KCNG3: variants seen among roughly 807,000 people sequenced by gnomAD.
KCNG3 encodes potassium voltage-gated channel modifier subfamily G member 3.
In KCNG3, 15 loss-of-function variants were observed where a neutral mutation model predicts 29.0. The ratio of observed to expected loss-of-function variants is 0.52; its 90% CI spans 0.35 to 0.80. The LOEUF (loss-of-function observed/expected upper bound fraction) is 0.80. KCNG3 is among the 30% of genes least tolerant of loss of function. KCNG3 has a pLI of 0.01. For missense variants in KCNG3, 512 were observed against 605.7 expected (o/e 0.85, Z 1.62); for synonymous variants, 322 against 248.9 (o/e 1.29, Z -2.76).
the KCNG3 span, among the ~76,000 whole-genome samples, chr2:42,403,978 T>C: frequency 2.0e-5 from 3 of 152,368 alleles, no homozygotes; most frequent in East Asian, 3.9e-4. Flanking sequence ...ATTAAAGTTA[T>C]ACTATCTTCA....
chr2:42,432,622 C>G, the KCNG3 span, among the ~76,000 whole-genome samples: 2 of 152,272 alleles, frequency 1.3e-5, no homozygotes, highest in East Asian at 3.9e-4. Context: ...AACCAACCAA[C>G]AGAAGCAAGT....
At chr2:42,488,619 G>A (rs892186683) in intron 1 of KCNG3, among the ~76,000 whole-genome samples, 1 of 150,078 alleles carries the variant, frequency 6.7e-6, no homozygotes, top group East Asian at 2.0e-4. Context: ...GCGTGATATC[G>A]GCTTACTGCA....
chr2:42,461,110 G>A (rs547477869), intron 1 of KCNG3, among the ~76,000 whole-genome samples: 1 of 139,974 alleles, frequency 7.1e-6, no homozygotes, highest in Non-Finnish European at 1.5e-5. Flanking sequence ...GCAGTGAGCC[G>A]AGATCACGCC....
At chr2:42,452,800 G>C (rs1050332777) in intron 1 of KCNG3, among the ~76,000 whole-genome samples, 2 of 137,274 alleles carry the variant, frequency 1.5e-5, no homozygotes, top group Non-Finnish European at 3.2e-5. Flanking sequence ...TGTGTGTTTT[G>C]AGATGAAGTC....
intron 1 of KCNG3, among the ~76,000 whole-genome samples, chr2:42,468,070 C>T (rs1012299442): frequency 4.6e-5 from 7 of 151,178 alleles, no homozygotes; most frequent in Non-Finnish European, 1.5e-5. Context: ...AACACAGATG[C>T]AAAAATTCTA....
downstream of KCNG3, among the ~76,000 whole-genome samples, chr2:42,440,176 A>G (rs1672442729): frequency 6.6e-6 from 1 of 152,198 alleles, no homozygotes; most frequent in Admixed American, 6.6e-5. Flanking sequence ...GAAGGTTTCC[A>G]CAACCCCTAG....
At chr2:42,487,941 C>A (rs535609542) in intron 1 of KCNG3, among the ~76,000 whole-genome samples, 1 of 152,292 alleles carries the variant, frequency 6.6e-6, no homozygotes, top group South Asian at 2.1e-4. Context: ...ATGGAATGAT[C>A]TACATGACAC....
the KCNG3 span, among the ~76,000 whole-genome samples, chr2:42,419,048 C>T: frequency 6.6e-6 from 1 of 151,998 alleles, no homozygotes; most frequent in Middle Eastern, 3.4e-3. Flanking sequence ...TCAAATTCAG[C>T]CTCATTTCAG....
intron 1 of KCNG3, among the ~76,000 whole-genome samples, chr2:42,474,927 C>T (rs1195342828): frequency 6.6e-6 from 1 of 152,150 alleles, no homozygotes; most frequent in Admixed American, 6.6e-5. Flanking sequence ...ACCCAATGTA[C>T]ACGACTTCTG....
chr2:42,491,946 C>T lies in KCNG3; in HGVS notation c.665+891G>A, dbSNP rs569253364. Among the ~76,000 whole-genome samples the T allele has an allele frequency of 1.1e-4, 16 of 152,286 alleles. No individual in the cohort carries two copies. In the South Asian group the frequency reaches 3.1e-3, roughly 30 times the overall value. ...GTTTTGTGCCCCAAAAGGCTGTCTT[C>T]TTTGAAAGTCCATCCTTAGTCTGCT... is the stretch of plus-strand genomic sequence containing the variant. On this transcript the variant is annotated intron_variant, in intron 1 of 1. Transcript: ENST00000306078.
At chr2:42,448,881 G>C (rs1350060745) in intron 1 of KCNG3, among the ~76,000 whole-genome samples, 5 of 152,098 alleles carry the variant, frequency 3.3e-5, no homozygotes, top group African/African-American at 7.2e-5. Context: ...GGGAGGCTGA[G>C]GCAGGAGAAT....
the KCNG3 span, among the ~76,000 whole-genome samples, chr2:42,408,160 C>T: frequency 6.6e-6 from 1 of 152,166 alleles, no homozygotes; most frequent in South Asian, 2.1e-4. Context: ...CAGCTCAGCA[C>T]TGGCTTGCAG....
the KCNG3 span, among the ~76,000 whole-genome samples, chr2:42,405,046 T>A: frequency 6.6e-6 from 1 of 152,220 alleles, no homozygotes; most frequent in African/African-American, 2.4e-5. Context: ...CTCACACAAC[T>A]GCAGCTAACT....
At chr2:42,483,854 C>G (rs1167456143) in intron 1 of KCNG3, among the ~76,000 whole-genome samples, 1 of 152,170 alleles carries the variant, frequency 6.6e-6, no homozygotes, top group African/African-American at 2.4e-5. Context: ...TGCAGTGCCA[C>G]AATCACGGCT....
intron 1 of KCNG3, among the ~76,000 whole-genome samples, chr2:42,447,756 C>G (rs746974733): frequency 2.6e-5 from 4 of 151,736 alleles, no homozygotes; most frequent in Admixed American, 6.6e-5. Context: ...GGAATGGCCT[C>G]GAACTCCTGG....
intron 1 of KCNG3, among the ~76,000 whole-genome samples, chr2:42,476,061 G>A (rs951636285): frequency 2.6e-5 from 4 of 152,168 alleles, no homozygotes; most frequent in Admixed American, 6.5e-5. Context: ...AGTGAACTCC[G>A]TCTCATATAA....
At chr2:42,430,615 G>T in the KCNG3 span, among the ~76,000 whole-genome samples, 1 of 151,764 alleles carries the variant, frequency 6.6e-6, no homozygotes, top group Non-Finnish European at 1.5e-5. Flanking sequence ...GCTAGGTGTG[G>T]TGGCACACAC....
chr2:42,477,254 AG>A (rs1258325922), intron 1 of KCNG3, among the ~76,000 whole-genome samples: 1 of 151,444 alleles, frequency 6.6e-6, no homozygotes, highest in African/African-American at 2.4e-5. Context: ...AAAGGTTTCC[AG>A]TGACTGCTAA....
chr2:42,485,200 G>A lies in KCNG3; in HGVS notation c.665+7637C>T, dbSNP rs1673688930. On this transcript the variant is annotated intron_variant, in intron 1 of 1. Transcript: ENST00000306078. Reference sequence around the variant, plus strand: ...CAAATTCTCACCACCACAACACAAAGCAATACCAATTAAAGATCAAAATTC... The same window carrying A: ...CAAATTCTCACCACCACAACACAAAACAATACCAATTAAAGATCAAAATTC... Among the ~76,000 whole-genome samples, 4 of 151,870 alleles carry A rather than the reference G, an allele frequency of 2.6e-5. 1 individual carries two copies. The highest frequency in any genetic ancestry group is 2.0e-4 in the Admixed American group (3 of 15,246).
Sources: gnomAD v4.1 joint callset for allele counts (sites outside exome capture counted in the v4.1 genomes callset) on GRCh38, gnomAD v4.1.1 for gene constraint, MANE v1.5 for transcripts, NCBI Gene and HGNC (gene_info 2026-07-23, HGNC 2026-07-21) for gene names.